NEMP2: variants seen among roughly 807,000 people sequenced by gnomAD.
NEMP2 encodes the protein nuclear envelope integral membrane protein 2, also known as UPF0571 transmembrane protein.
NEMP2 carries 53 observed loss-of-function variants against 54.2 expected under a neutral mutation model. The observed-to-expected ratio is 0.98, with a 90% CI of 0.78 to 1.23. The LOEUF (loss-of-function observed/expected upper bound fraction) is 1.23, where lower values mean the gene tolerates loss of function less well. Ranked by LOEUF, NEMP2 falls within the 50% of genes most tolerant of loss-of-function variation. The pLI, the probability that NEMP2 is intolerant of heterozygous loss-of-function variation, is 0.00. For missense variants in NEMP2, 455 were observed against 511.3 expected (o/e 0.89, Z 1.06); for synonymous variants, 197 against 190.3 (o/e 1.04, Z -0.29).
At chr2:190,480,670 TGG>T in the NEMP2 span, among the ~76,000 whole-genome samples, 1 of 152,210 alleles carries the variant, frequency 6.6e-6, no homozygotes, top group African/African-American at 2.4e-5. Flanking sequence ...TTAGACTATC[TGG>T]GTTTGAATTC....
At chr2:190,534,167 C>T in intron 1 of NEMP2, 1 of 1,015,850 alleles carries the variant, frequency 9.8e-7, no homozygotes, top group Non-Finnish European at 1.2e-6. Context: ...GATTTCAACA[C>T]GCATTGATGT....
the NEMP2 span, among the ~76,000 whole-genome samples, chr2:190,606,938 TG>T: frequency 6.6e-6 from 1 of 152,150 alleles, no homozygotes; most frequent in African/African-American, 2.4e-5. Context: ...GCAGCTTCCT[TG>T]GTGCCTGGCT....
chr2:190,506,834 A>T lies in NEMP2; in HGVS notation c.*2355T>A, dbSNP rs1238581959. 1 of 152,236 alleles carries T rather than the reference A, an allele frequency of 6.6e-6. No homozygotes were observed. Among genetic ancestry groups the T allele is most frequent in the South Asian group, 2.1e-4 (1 of 4,830 alleles). The allele number at this position is 152,236 out of a possible 1,614,324, so 9.4% of individuals were successfully genotyped here. A position where few individuals can be genotyped will look rare whatever the true frequency, so the allele number is the denominator to read the frequency against. ...CAGTAAAATAACAAAGGGATCTGTTAGGCTCCATAATTATACACCTATGGT... is the reference window on the plus strand; with the variant it reads ...CAGTAAAATAACAAAGGGATCTGTTTGGCTCCATAATTATACACCTATGGT... On this transcript the variant is annotated 3_prime_UTR_variant, in exon 9 of 9. Coordinates refer to ENST00000409150, the MANE Select transcript of NEMP2 (RefSeq NM_001142645.2). The surrounding 1 kb of genome is among the most constrained non-coding windows in gnomAD (Gnocchi z 6.3).
the NEMP2 span, among the ~76,000 whole-genome samples, chr2:190,596,553 A>G: frequency 6.6e-6 from 1 of 152,204 alleles, no homozygotes; most frequent in East Asian, 1.9e-4. The surrounding 1 kb of genome is among the most constrained non-coding windows in gnomAD (Gnocchi z 5.1). Context: ...TGAATTCTCT[A>G]GAAAAGTTTG....
Position 190,527,142 on chromosome 2 carries a change from A to AT in NEMP2, c.98-1765dup, listed in dbSNP as rs1690968875. 6.6e-6 allele frequency among the ~76,000 whole-genome samples: 1 copy of AT among 152,188 alleles called. No individual in the cohort carries two copies. The highest frequency in any genetic ancestry group is 1.5e-5 in the Non-Finnish European group (1 of 68,028). ...GGGTACACAAAGAAATGGGCTTTAC[A>AT]TCCAACCCCTGACTCCTTTAAGGAA... On this transcript the variant is annotated intron_variant, in intron 1 of 8. Coordinates refer to ENST00000409150, the MANE Select transcript of NEMP2 (RefSeq NM_001142645.2). This position sits in a 1 kb window ranked among gnomAD's most constrained non-coding sequence, Gnocchi z 4.0.
the NEMP2 span, among the ~76,000 whole-genome samples, chr2:190,621,205 A>T: frequency 6.6e-6 from 1 of 152,230 alleles, no homozygotes; most frequent in Non-Finnish European, 1.5e-5. Context: ...AACATCACAG[A>T]GTGTACTTAT....
the NEMP2 span, among the ~76,000 whole-genome samples, chr2:190,450,647 C>CT: frequency 6.6e-6 from 1 of 151,932 alleles, no homozygotes; most frequent in Admixed American, 6.6e-5. Flanking sequence ...CATGTGCCAC[C>CT]ATGCCCAGCT....
At position 190,524,109 on chromosome 2, in the gene NEMP2, T is replaced by C. The variant is rs1179321734; in HGVS notation, c.213+1154A>G. Among the ~76,000 whole-genome samples the C allele has an allele frequency of 2.0e-5, 3 of 151,006 alleles. 1 individual carries two copies. Among genetic ancestry groups the C allele is most frequent in the African/African-American group, 7.3e-5 (3 of 41,034 alleles). On this transcript the variant is annotated intron_variant, in intron 2 of 8. Transcript: ENST00000409150. ...CACCTTTCAAGTAGTTCCAGCTACT[T>C]GAAAGGCTGAGGTGGGAGAATCACC...
chr2:190,625,302 T>A, the NEMP2 span: 1 of 152,216 alleles, frequency 6.6e-6, no homozygotes, highest in Non-Finnish European at 1.5e-5. Flanking sequence ...GAAAGTATTA[T>A]ACTGAATGAA....
At chr2:190,554,574 G>T in the NEMP2 span, among the ~76,000 whole-genome samples, 86 of 152,352 alleles carry the variant, frequency 5.6e-4, no homozygotes, top group Admixed American at 1.1e-3. This position sits in a 1 kb window ranked among gnomAD's most constrained non-coding sequence, Gnocchi z 5.7. Flanking sequence ...CTGCAGCTCA[G>T]CAAGGCCTCT....
chr2:190,519,168 G>GAAA lies in NEMP2; in HGVS notation c.228_229insTTT (p.Ser76_Pro77insPhe). 1 of 1,546,036 alleles carries GAAA rather than the reference G, an allele frequency of 6.5e-7. No individual in the cohort carries two copies. The highest frequency in any genetic ancestry group is 8.7e-7 in the Non-Finnish European group (1 of 1,144,866). On this transcript the variant is annotated inframe_insertion, in exon 3 of 9. Coordinates refer to ENST00000409150, the MANE Select transcript of NEMP2 (RefSeq NM_001142645.2). The surrounding 1 kb of genome is among the most constrained non-coding windows in gnomAD (Gnocchi z 5.4). Reference sequence around the variant, plus strand: ...ATATATACAATTCTGAACAGGCCTGGACTGGTAATTTTCACCTGTAAAACA... The same window carrying GAAA: ...ATATATACAATTCTGAACAGGCCTGGAAAACTGGTAATTTTCACCTGTAAAACA...
downstream of NEMP2, chr2:190,501,975 T>G (rs1470199302): frequency 6.5e-6 from 1 of 152,684 alleles, no homozygotes; most frequent in Non-Finnish European, 1.5e-5. Flanking sequence ...CAAAAACTTG[T>G]ACTGTATCTT....
At chr2:190,548,973 C>T in the NEMP2 span, among the ~76,000 whole-genome samples, 2 of 152,204 alleles carry the variant, frequency 1.3e-5, no homozygotes, top group African/African-American at 4.8e-5. Context: ...TCCATAGACA[C>T]TATATTTTTG....
chr2:190,631,557 G>A, the NEMP2 span, among the ~76,000 whole-genome samples: 1 of 152,176 alleles, frequency 6.6e-6, no homozygotes, highest in African/African-American at 2.4e-5. Flanking sequence ...TTTAGAATAA[G>A]ACTTATAAAA....
At chr2:190,433,647 C>T in the NEMP2 span, among the ~76,000 whole-genome samples, 3 of 151,822 alleles carry the variant, frequency 2.0e-5, no homozygotes, top group South Asian at 2.1e-4. This position sits in a 1 kb window ranked among gnomAD's most constrained non-coding sequence, Gnocchi z 4.5. Flanking sequence ...CCTAAAAAAC[C>T]GACATGAACA....
At chr2:190,591,561 T>G in the NEMP2 span, among the ~76,000 whole-genome samples, 1 of 152,196 alleles carries the variant, frequency 6.6e-6, no homozygotes, top group Non-Finnish European at 1.5e-5. This position sits in a 1 kb window ranked among gnomAD's most constrained non-coding sequence, Gnocchi z 5.4. Flanking sequence ...TTTTCTCATT[T>G]GTTAACAAAG....
the NEMP2 span, among the ~76,000 whole-genome samples, chr2:190,434,917 C>T: frequency 6.6e-6 from 1 of 152,168 alleles, no homozygotes; most frequent in Non-Finnish European, 1.5e-5. The surrounding 1 kb of genome is among the most constrained non-coding windows in gnomAD (Gnocchi z 4.3). Flanking sequence ...AGCTCTTCCT[C>T]CTGTCAGATC....
At chr2:190,624,480 A>C in the NEMP2 span, 1 of 152,242 alleles carries the variant, frequency 6.6e-6, no homozygotes, top group Non-Finnish European at 1.5e-5. Context: ...CAAAAGAAAG[A>C]AAATCAGTAT....
chr2:190,611,885 C>G, the NEMP2 span, among the ~76,000 whole-genome samples: 1 of 152,140 alleles, frequency 6.6e-6, no homozygotes, highest in African/African-American at 2.4e-5. The surrounding 1 kb of genome is among the most constrained non-coding windows in gnomAD (Gnocchi z 5.4). Flanking sequence ...GGTGTGGAGC[C>G]TTGGACCTAG....
Sources: allele counts gnomAD v4.1 joint callset (sites outside exome capture counted in the v4.1 genomes callset), GRCh38; gene constraint gnomAD v4.1.1; non-coding constraint Gnocchi (gnomAD v3.1); transcripts MANE v1.5; gene names NCBI Gene and HGNC (gene_info 2026-07-23, HGNC 2026-07-21).